CLEC19A: variants seen among roughly 807,000 people sequenced by gnomAD.
CLEC19A encodes C-type lectin domain containing 19A.
A neutral mutation model predicts 26.1 loss-of-function variants in CLEC19A; 21 were observed. That is an observed-to-expected ratio of 0.80 (90% CI 0.57 to 1.16). CLEC19A has a LOEUF of 1.16. Among genes scored for constraint, CLEC19A ranks in the 50% most tolerant of loss-of-function variants. CLEC19A has a pLI of 0.00. For synonymous variants in CLEC19A, 89 were observed against 88.6 expected (o/e 1.00, Z -0.03); for missense variants, 224 against 227.6 (o/e 0.98, Z 0.10).
At chr16:19,298,641 T>G in intron 1 of CLEC19A, 32 bp from the exon 2 acceptor site, 1 of 1,548,228 alleles carries the variant, frequency 6.5e-7, no homozygotes, top group Non-Finnish European at 8.7e-7. Context: ...ACTGCCAACC[T>G]TCCTCCCAGT....
At chr16:19,301,795 A>C (rs1339503642) in intron 2 of CLEC19A, among the ~76,000 whole-genome samples, 1 of 120,932 alleles carries the variant, frequency 8.3e-6, no homozygotes. Context: ...GTTTCACCAT[A>C]TTGGCCAGGA....
intron 2 of CLEC19A, among the ~76,000 whole-genome samples, chr16:19,301,822 AC>A (rs892414381): frequency 3.1e-5 from 4 of 130,030 alleles, no homozygotes; most frequent in African/African-American, 1.2e-4. Flanking sequence ...CAATCTCTTG[AC>A]CTCGTGATCT....
chr16:19,285,732 G>C lies in CLEC19A; in HGVS notation c.-120G>C, dbSNP rs1897448787. On this transcript the variant is annotated 5_prime_UTR_variant, in exon 1 of 5. Coordinates refer to ENST00000636231, the MANE Select transcript of CLEC19A (RefSeq NM_001256720.2). ...AGAGGAGGGGACTGGAGTCCATCCAGTCTGTCCCAGCTCCTGCCAGGCTCC... is the reference window on the plus strand; with the variant it reads ...AGAGGAGGGGACTGGAGTCCATCCACTCTGTCCCAGCTCCTGCCAGGCTCC... The C allele has an allele frequency of 7.6e-6, 6 of 785,768 alleles. No homozygotes were observed. Among genetic ancestry groups the C allele is most frequent in the Middle Eastern group, 5.5e-4 (2 of 3,612 alleles). The allele number at this position is 785,768 out of a possible 1,614,324, so 48.7% of individuals were successfully genotyped here. A position where few individuals can be genotyped will look rare whatever the true frequency, so the allele number is the denominator to read the frequency against.
At chr16:19,301,747 T>TTTG (rs1555467826) in intron 2 of CLEC19A, among the ~76,000 whole-genome samples, 15 of 119,972 alleles carry the variant, frequency 1.3e-4, no homozygotes, top group African/African-American at 5.6e-4. Context: ...TTTTTTTTTT[T>TTTG]TTTTTTTTTT....
chr16:19,292,639 A>T (rs1897614020), intron 1 of CLEC19A, among the ~76,000 whole-genome samples: 1 of 152,176 alleles, frequency 6.6e-6, no homozygotes, highest in South Asian at 2.1e-4. Flanking sequence ...TAGAGGAGGA[A>T]TGTGTGAATG....
Position 19,298,684 on chromosome 16 carries a change from C to A in CLEC19A, c.100C>A (p.Leu34Met). 3.2e-6 allele frequency: 5 copies of A among 1,551,122 alleles called. No homozygotes were observed. Among genetic ancestry groups the A allele is most frequent in the Non-Finnish European group, 4.4e-6 (5 of 1,147,100 alleles). ...DISISPALPE[L>M]PLPSLCPLFW... The stretch of plus-strand genomic sequence containing the variant: ...CTTTCTGCCCCCAGCCCTGCCAGAG[C>A]TGCCCCTGCCTTCCCTGTGCCCCCT... Residue 34 changes from leucine to methionine, a missense_variant, in exon 2 of 5, where the codon CTG becomes ATG. By Grantham distance (15) the Leu-to-Met change is conservative. Transcript: ENST00000636231.
At chr16:19,308,495 C>A (rs1294839407) in intron 4 of CLEC19A, among the ~76,000 whole-genome samples, 1 of 152,204 alleles carries the variant, frequency 6.6e-6, no homozygotes, top group Non-Finnish European at 1.5e-5. Context: ...CCAGCATCAT[C>A]ATGAATCATC....
intron 1 of CLEC19A, among the ~76,000 whole-genome samples, chr16:19,294,601 C>T (rs752034678): frequency 3.9e-5 from 6 of 152,190 alleles, no homozygotes; most frequent in Non-Finnish European, 2.9e-5. Flanking sequence ...TTACCTCATT[C>T]TAAACTCAGG....
At chr16:19,302,086 G>A (rs568156802) in intron 2 of CLEC19A, among the ~76,000 whole-genome samples, 1 of 151,978 alleles carries the variant, frequency 6.6e-6, no homozygotes, top group African/African-American at 2.4e-5. Context: ...AGTGAGCAAG[G>A]CTTGTCTCAC....
intron 1 of CLEC19A, among the ~76,000 whole-genome samples, chr16:19,295,310 A>G (rs527481290): frequency 6.6e-6 from 1 of 151,918 alleles, no homozygotes; most frequent in African/African-American, 2.4e-5. Context: ...TCCATACTCA[A>G]TCGATCCTCC....
Position 19,309,176 on chromosome 16 carries a change from C to A in CLEC19A, c.*93C>A. ...TGACATTGAATACATGTAAAACATACATAGGAAGTAAATCTCTTGGACAGA... is the reference window on the plus strand; with the variant it reads ...TGACATTGAATACATGTAAAACATAAATAGGAAGTAAATCTCTTGGACAGA... On this transcript the variant is annotated 3_prime_UTR_variant, in exon 5 of 5. Transcript: ENST00000636231. 2.2e-6 allele frequency: 2 copies of A among 913,788 alleles called. No individual in the cohort carries two copies. The highest frequency in any genetic ancestry group is 3.4e-6 in the Non-Finnish European group (2 of 585,778). The allele number at this position is 913,788 out of a possible 1,614,324, so 56.6% of individuals were successfully genotyped here.
At position 19,304,146 on chromosome 16, in the gene CLEC19A, T is replaced by A. The variant is rs1475848019; in HGVS notation, c.339T>A (p.Asp113Glu). ...CTGACGTCTGGACAGGCCTTCATGA[T>A]CACAGACAGGTGAGAAAGCAGTGGC... Reference protein sequence around the residue: ...IPADVWTGLHDHRQEGQFEWT... With the variant: ...IPADVWTGLHEHRQEGQFEWT... The change falls in exon 3 of 5, where the codon GAT (aspartate) becomes GAA (glutamate). Residue 113 changes from aspartate (D) to glutamate (E), a missense_variant. Coordinates refer to ENST00000636231, the MANE Select transcript of CLEC19A (RefSeq NM_001256720.2). 6.4e-7 allele frequency: 1 copy of A among 1,550,562 alleles called. No homozygotes were observed. Among genetic ancestry groups the A allele is most frequent in the Non-Finnish European group, 8.7e-7 (1 of 1,146,928 alleles).
At chr16:19,292,598 G>A (rs1897613621) in intron 1 of CLEC19A, among the ~76,000 whole-genome samples, 1 of 152,212 alleles carries the variant, frequency 6.6e-6, no homozygotes, top group Admixed American at 6.5e-5. Flanking sequence ...ACCAGAGGAA[G>A]AGGAATGATC....
In CLEC19A at chr16:19,309,587, A is replaced by G. The variant is rs765961062; in HGVS notation, c.*504A>G. ...GCTTAATGTACAGCGTGATGACTAT[A>G]GTTAATAATAATGTATTGTATTCCT... On this transcript the variant is annotated 3_prime_UTR_variant, in exon 5 of 5. Transcript: ENST00000636231. 6.5e-6 allele frequency: 1 copy of G among 152,840 alleles called. No individual in the cohort carries two copies. Among genetic ancestry groups the G allele is most frequent in the Non-Finnish European group, 1.5e-5 (1 of 68,620 alleles). 9.5% of individuals were successfully genotyped at this position (152,840 alleles called of 1,614,324 possible).
intron 2 of CLEC19A, among the ~76,000 whole-genome samples, chr16:19,303,211 G>T (rs1291968369): frequency 1.3e-5 from 2 of 152,140 alleles, no homozygotes; most frequent in African/African-American, 4.8e-5. Context: ...TTTAATGATA[G>T]GATGAAAATA....
intron 4 of CLEC19A, 50 bp from the exon 5 acceptor site, chr16:19,308,954 A>G: frequency 6.8e-7 from 1 of 1,477,374 alleles, no homozygotes; most frequent in Non-Finnish European, 9.2e-7. Flanking sequence ...GGTTACTTTT[A>G]TCTTGGCGGA....
At chr16:19,286,394 T>C (rs2143008103) in intron 1 of CLEC19A, among the ~76,000 whole-genome samples, 1 of 152,336 alleles carries the variant, frequency 6.6e-6, no homozygotes, top group East Asian at 1.9e-4. Flanking sequence ...CTTTCAGAGC[T>C]GCTGCAGTGC....
At chr16:19,299,275 A>C (rs1476989451) in intron 2 of CLEC19A, among the ~76,000 whole-genome samples, 1 of 152,260 alleles carries the variant, frequency 6.6e-6, no homozygotes, top group East Asian at 1.9e-4. Context: ...AATATGAGAA[A>C]TCATAACTGA....
In CLEC19A at chr16:19,298,741, C is replaced by G; in HGVS notation, c.157C>G (p.Arg53Gly). The G allele has an allele frequency of 1.3e-6, 2 of 1,551,018 alleles. No individual in the cohort carries two copies. Among genetic ancestry groups the G allele is most frequent in the Non-Finnish European group, 1.7e-6 (2 of 1,147,094 alleles). ...FWMEFKGHCY[R>G]FFPLNKTWAE... is the part of the protein sequence containing the mutation. ...GATGGAGTTCAAAGGCCACTGCTAT[C>G]GATTCTTCCCTCTCAATAAGACCTG... The change falls in exon 2 of 5, where the codon CGA becomes GGA. Residue 53 changes from arginine (R) to glycine (G), a missense_variant. Physicochemically the swap from Arg to Gly is moderately radical, Grantham distance 125. Transcript: ENST00000636231.
Sources: gnomAD v4.1 joint callset for allele counts (sites outside exome capture counted in the v4.1 genomes callset) on GRCh38, gnomAD v4.1.1 for gene constraint, MANE v1.5 for transcripts, NCBI Gene and HGNC (gene_info 2026-07-23, HGNC 2026-07-21) for gene names.